The following PAX6 variants were observed in gnomAD, a reference collection of about 807,000 sequenced individuals.
PAX6 encodes the protein paired box 6, also known as paired box protein Pax-6.
In PAX6, 7 loss-of-function variants were observed where a neutral mutation model predicts 60.7. The ratio of observed to expected loss-of-function variants is 0.12; its 90% confidence interval spans 0.07 to 0.22. PAX6 has a LOEUF of 0.22. Ranked by LOEUF, PAX6 falls within the 10% of genes least tolerant of loss-of-function variation. The pLI is 1.00. For missense variants in PAX6, 355 were observed against 555.2 expected (o/e 0.64, Z 3.62); for synonymous variants, 208 against 201.2 (o/e 1.03, Z -0.29).
intron 12 of PAX6, 45 bp from the exon 13 acceptor site, chr11:31,790,905 C>T (rs1389932142): frequency 1.3e-6 from 2 of 1,597,066 alleles, no homozygotes; most frequent in Admixed American, 1.7e-5. Flanking sequence ...GAACACATCA[C>T]ACAGCCACAG....
chr11:31,806,513 C>G, intron 3 of PAX6, 51 bp from the exon 4 acceptor site: 1 of 1,432,552 alleles, frequency 7.0e-7, no homozygotes, highest in Non-Finnish European at 9.6e-7. Flanking sequence ...ATCAGGTAGG[C>G]CTGAACTCCC....
intron 4 of PAX6, 149 bp downstream of exon 4, chr11:31,806,253 G>T: frequency 2.6e-6 from 2 of 767,364 alleles, no homozygotes; most frequent in Non-Finnish European, 2.0e-6. Context: ...GCTGCCGGGC[G>T]CGGAGCGGGG....
rs549237234 is a variant in PAX6 at position 31,808,876 on chromosome 11, C to G, written c.-128-1951G>C. The G allele has an allele frequency of 7.1e-3, 1,088 of 152,478 alleles. 7 individuals are homozygous for G. Among genetic ancestry groups the G allele is most frequent in the Non-Finnish European group, 0.01 (700 of 68,154 alleles). 9.4% of individuals were successfully genotyped at this position (152,478 alleles called of 1,614,324 possible). ...TGCACCGGAGAGGTCAGACCCCCAA[C>G]TGCAGCCTCAGCCCCCCAGCTCAGC... On this transcript the variant is annotated intron_variant, in intron 2 of 13. Transcript: ENST00000640368.
intron 8 of PAX6, among the ~76,000 whole-genome samples, chr11:31,796,401 C>T (rs116888201): frequency 3.7e-3 from 558 of 151,554 alleles, no homozygotes; most frequent in Non-Finnish European, 6.3e-3. Context: ...GTGTTAACCC[C>T]TCTGCTCTGC....
chr11:31,812,296 CTCTCTCTG>C (rs964478213), upstream of PAX6: 12 of 109,998 alleles, frequency 1.1e-4, no homozygotes, highest in African/African-American at 5.2e-4. Flanking sequence ...GATTCTCTCT[CTCTCTCTG>C]TGTGTGTGTG....
chr11:31,800,355 A>G (rs1953256310), intron 8 of PAX6, among the ~76,000 whole-genome samples: 1 of 152,184 alleles, frequency 6.6e-6, no homozygotes, highest in Admixed American at 6.5e-5. Flanking sequence ...CACTTCTACA[A>G]GGGGGCTCTC....
chr11:31,814,762 G>T (rs1405421694), upstream of PAX6: 1 of 152,522 alleles, frequency 6.6e-6, no homozygotes, highest in Non-Finnish European at 1.5e-5. Flanking sequence ...CCTTTCTCCA[G>T]CAACCTGCCG....
intron 12 of PAX6, chr11:31,792,479 T>C: frequency 6.6e-6 from 1 of 152,228 alleles, no homozygotes; most frequent in South Asian, 2.1e-4. Flanking sequence ...CAATGGAGAA[T>C]AAACAATCAG....
At chr11:31,816,640 G>A (rs1565287721) in intron 1 of PAX6, 1 of 702,366 alleles carries the variant, frequency 1.4e-6, no homozygotes, top group Non-Finnish European at 2.6e-6. Flanking sequence ...CCCGGCCCAG[G>A]TAAGGCGTGC....
chr11:31,811,352 T>C (rs933236398), upstream of PAX6: 1 of 398,302 alleles, frequency 2.5e-6, no homozygotes, highest in Non-Finnish European at 4.4e-6. Flanking sequence ...ACACAAAATA[T>C]TGCTTTATGC....
At chr11:31,811,794 G>A, upstream of PAX6, 1 of 138,264 alleles carries the variant, frequency 7.2e-6, no homozygotes, top group Non-Finnish European at 1.6e-5. Context: ...AGCGGCGGCC[G>A]CACCCCAGCC....
chr11:31,808,143 GTTTT>G (rs1009760921), intron 2 of PAX6: 1 of 151,110 alleles, frequency 6.6e-6, no homozygotes, highest in Non-Finnish European at 1.5e-5. Context: ...ATTTCTCTCT[GTTTT>G]TTTTTAAATG....
chr11:31,789,904 T>A lies in PAX6; in HGVS notation c.*30A>T. On this transcript the variant is annotated 3_prime_UTR_variant, in exon 14 of 14. Coordinates refer to ENST00000640368, the MANE Select transcript of PAX6 (RefSeq NM_001368894.2). ...GTCACTGACTGAATTAACACAATAT[T>A]TCCTTTCCTTTTTTTTTTTTTTTTT... 1 of 1,535,890 alleles carries A rather than the reference T, an allele frequency of 6.5e-7. No homozygotes were observed. The highest frequency in any genetic ancestry group is 8.9e-7 in the Non-Finnish European group (1 of 1,125,840).
chr11:31,812,107 G>A (rs955951183), upstream of PAX6: 1 of 152,302 alleles, frequency 6.6e-6, no homozygotes, highest in Non-Finnish European at 1.5e-5. Context: ...TGTACAGAGG[G>A]TTCTTGTGAA....
intron 2 of PAX6, chr11:31,810,604 C>G: frequency 2.9e-6 from 1 of 344,124 alleles, no homozygotes; most frequent in South Asian, 1.5e-4. Flanking sequence ...CCGCCCGCCC[C>G]GAGCCCTGCG....
At chr11:31,806,318 G>A (rs981254136) in intron 4 of PAX6, 84 bp downstream of exon 4, 1 of 1,494,488 alleles carries the variant, frequency 6.7e-7, no homozygotes, top group African/African-American at 1.4e-5. Context: ...GCCAGCGCGG[G>A]CGTCGCGAGT....
At chr11:31,791,408 G>C (rs987424138) in intron 12 of PAX6, 2 of 176,730 alleles carry the variant, frequency 1.1e-5, no homozygotes, top group Non-Finnish European at 2.5e-5. Flanking sequence ...GTGATCAGAA[G>C]TGTTAGTAAA....
intron 4 of PAX6, 53 bp downstream of exon 4, chr11:31,806,349 C>G: frequency 6.3e-7 from 1 of 1,588,478 alleles, no homozygotes; most frequent in East Asian, 2.3e-5. Context: ...TCCCCTGACC[C>G]TCGGGTCCGC....
chr11:31,794,703 T>C lies in PAX6; in HGVS notation c.651A>G (p.Arg217=), dbSNP rs1950978564. 1.9e-5 allele frequency: 31 copies of C among 1,614,014 alleles called. No homozygotes were observed. The highest frequency in any genetic ancestry group is 2.5e-5 in the Non-Finnish European group (30 of 1,179,986). The change falls in exon 9 of 14, where the codon CGA becomes CGG. Residue 217 remains arginine (R), a synonymous_variant. Coordinates refer to ENST00000640368, the MANE Select transcript of PAX6 (RefSeq NM_001368894.2). ...NGEDSDEAQM[R]LQLKRKLQRN... is the part of the protein sequence containing the mutation. ...TTTGCAGCTTCCGCTTCAGCTGAAG[T>C]CGCATTTGAGCCTCATCTGAATCTT...
Sources: allele counts gnomAD v4.1 joint callset (sites outside exome capture counted in the v4.1 genomes callset), GRCh38; gene constraint gnomAD v4.1.1; transcripts MANE v1.5; gene names NCBI Gene and HGNC (gene_info 2026-07-23, HGNC 2026-07-21).